KAT7: variants seen among roughly 807,000 people sequenced by gnomAD.
KAT7 encodes lysine acetyltransferase 7.
KAT7 carries 10 observed loss-of-function variants against 82.1 expected under a neutral mutation model. The ratio of observed to expected loss-of-function variants is 0.12; its 90% CI spans 0.08 to 0.21. The LOEUF is 0.21. Ranked by LOEUF, KAT7 falls within the 10% of genes least tolerant of loss-of-function variation. KAT7 has a pLI of 1.00. For synonymous variants in KAT7, 250 were observed against 262.5 expected (o/e 0.95, Z 0.46); for missense variants, 378 against 760.9 (o/e 0.50, Z 5.92).
chr17:49,794,401 C>G (rs2073928260), intron 2 of KAT7, among the ~76,000 whole-genome samples: 1 of 152,132 alleles, frequency 6.6e-6, no homozygotes, highest in Non-Finnish European at 1.5e-5. Flanking sequence ...TTCTCCTGCC[C>G]CAGCCTCCCA....
Position 49,815,928 on chromosome 17 carries a change from CT to C in KAT7, c.963+16del. ...CAGAGGATTTGGTGAGTATTAAAAC[CT>C]CCAAACTGAAGGCCGCTTGTGAAAG... On this transcript the variant is annotated intron_variant, in intron 8 of 14. Coordinates refer to ENST00000259021, the MANE Select transcript of KAT7 (RefSeq NM_007067.5). 1.3e-6 allele frequency: 2 copies of C among 1,525,420 alleles called. No individual in the cohort carries two copies. Among genetic ancestry groups the C allele is most frequent in the Non-Finnish European group, 1.8e-6 (2 of 1,100,144 alleles). The allele number at this position is 1,525,420 out of a possible 1,614,324, so 94.5% of individuals were successfully genotyped here. A position where few individuals can be genotyped will look rare whatever the true frequency, so the allele number is the denominator to read the frequency against.
intron 12 of KAT7, among the ~76,000 whole-genome samples, chr17:49,823,811 A>G (rs1357196924): frequency 6.6e-6 from 1 of 152,232 alleles, no homozygotes; most frequent in Admixed American, 6.5e-5. Context: ...AGCAAAAAGT[A>G]AGAGTCATGG....
intron 3 of KAT7, among the ~76,000 whole-genome samples, chr17:49,797,461 A>T (rs2073971615): frequency 6.6e-6 from 1 of 152,198 alleles, no homozygotes; most frequent in African/African-American, 2.4e-5. Context: ...TAGGAAAAAG[A>T]GACTGGGCCC....
At chr17:49,796,353 T>C (rs1226089241) in intron 2 of KAT7, among the ~76,000 whole-genome samples, 1 of 152,268 alleles carries the variant, frequency 6.6e-6, no homozygotes, top group Non-Finnish European at 1.5e-5. Flanking sequence ...CCACGGATCA[T>C]GTTAAGTGCT....
At chr17:49,822,298 A>G (rs1209033916) in intron 11 of KAT7, among the ~76,000 whole-genome samples, 1 of 150,394 alleles carries the variant, frequency 6.6e-6, no homozygotes, top group East Asian at 1.9e-4. Flanking sequence ...TATGACCTTG[A>G]CTCACTGCAC....
chr17:49,833,276 T>C lies in KAT7; in HGVS notation c.*5774T>C, dbSNP rs1471272164. The C allele has an allele frequency of 2.0e-5, 3 of 152,208 alleles. No individual in the cohort carries two copies. Among genetic ancestry groups the C allele is most frequent in the Non-Finnish European group, 2.9e-5 (2 of 68,026 alleles). The allele number at this position is 152,208 out of a possible 1,614,324, so 9.4% of individuals were successfully genotyped here. On this transcript the variant is annotated 3_prime_UTR_variant, in exon 15 of 15. Coordinates refer to ENST00000259021, the MANE Select transcript of KAT7 (RefSeq NM_007067.5). ...TATAAACATCTTTATCCTCGACAAG[T>C]CATGTTCATTCCAAGAAACCAGTCT... is the stretch of plus-strand genomic sequence containing the variant.
chr17:49,825,678 G>A (rs374364334), intron 12 of KAT7, among the ~76,000 whole-genome samples: 10 of 152,200 alleles, frequency 6.6e-5, no homozygotes, highest in African/African-American at 2.2e-4. Flanking sequence ...CTGTAGCATA[G>A]ATATGTGTTG....
At chr17:49,799,114 C>A (rs1372913860) in intron 4 of KAT7, among the ~76,000 whole-genome samples, 1 of 152,126 alleles carries the variant, frequency 6.6e-6, no homozygotes, top group African/African-American at 2.4e-5. Context: ...TTATTATATT[C>A]TTATGAGTTT....
Position 49,795,051 on chromosome 17 carries a change from G to A in KAT7, c.164-1699G>A, listed in dbSNP as rs537451769. 3.3e-5 allele frequency among the ~76,000 whole-genome samples: 5 copies of A among 151,302 alleles called. No individual in the cohort carries two copies. In the South Asian group the frequency reaches 1.0e-3, roughly 32 times the overall value. ...TATACGTTGGGGGGTGCAGCCGTGA[G>A]AGAGTGAGGCTGACACCGCGCCCTG... is the stretch of plus-strand genomic sequence containing the variant. On this transcript the variant is annotated intron_variant, in intron 2 of 14. Transcript: ENST00000259021.
intron 11 of KAT7, 67 bp downstream of exon 11, chr17:49,821,857 G>C: frequency 6.9e-7 from 1 of 1,443,290 alleles, no homozygotes. Flanking sequence ...GCAGTTGGGG[G>C]CTCAAATCAC....
At chr17:49,815,691 C>A in intron 7 of KAT7, 112 bp from the exon 8 acceptor site, 1 of 692,064 alleles carries the variant, frequency 1.4e-6, no homozygotes. Context: ...AGTATGTAGG[C>A]ACTAAATAAA....
Position 49,817,886 on chromosome 17 carries a change from C to T in KAT7, c.1030C>T (p.Arg344Cys), listed in dbSNP as rs200465294. ...CATGATTAAAACAATTGCTTTTGGC[C>T]GCTATGAGCTTGATACCTGGTATCA... ...SNMIKTIAFG[R>C]YELDTWYHSP... The change falls in exon 9 of 15, where the codon CGC becomes TGC. Residue 344 changes from arginine to cysteine, a missense_variant. Coordinates refer to ENST00000259021, the MANE Select transcript of KAT7 (RefSeq NM_007067.5). 15 of 1,613,308 alleles carry T rather than the reference C, an allele frequency of 9.3e-6. No individual in the cohort carries two copies. The highest frequency in any genetic ancestry group is 3.3e-5 in the South Asian group (3 of 91,046).
At chr17:49,791,118 C>T (rs897145252) in intron 1 of KAT7, among the ~76,000 whole-genome samples, 3 of 152,280 alleles carry the variant, frequency 2.0e-5, no homozygotes, top group Admixed American at 6.5e-5. Flanking sequence ...AGATGGCATA[C>T]GCACTAACAA....
At chr17:49,801,084 G>A (rs962393795) in intron 4 of KAT7, among the ~76,000 whole-genome samples, 2 of 152,166 alleles carry the variant, frequency 1.3e-5, no homozygotes, top group African/African-American at 4.8e-5. Flanking sequence ...TCAGAATGGG[G>A]CCTGATTGTG....
At chr17:49,825,971 AG>A in intron 12 of KAT7, 28 bp from the exon 13 acceptor site, 4 of 1,591,028 alleles carry the variant, frequency 2.5e-6, no homozygotes, top group Non-Finnish European at 3.4e-6. Flanking sequence ...GAGTGTTGCT[AG>A]AAAAAGTCTG....
chr17:49,811,441 G>A, intron 6 of KAT7, 35 bp from the exon 7 acceptor site: 1 of 1,070,868 alleles, frequency 9.3e-7, no homozygotes, highest in Non-Finnish European at 1.4e-6. Context: ...GCTTTATAAG[G>A]AGTTTTCTCT....
At chr17:49,820,670 G>A (rs1815797622) in intron 9 of KAT7, among the ~76,000 whole-genome samples, 1 of 151,898 alleles carries the variant, frequency 6.6e-6, no homozygotes, top group African/African-American at 2.4e-5. Flanking sequence ...GCACTTGAGG[G>A]TGAGGAAAAG....
chr17:49,806,645 C>T (rs1386520766), intron 5 of KAT7, among the ~76,000 whole-genome samples: 1 of 152,190 alleles, frequency 6.6e-6, no homozygotes, highest in East Asian at 1.9e-4. Context: ...ATACAATGAT[C>T]TGATACTATG....
Position 49,815,806 on chromosome 17 carries a change from CACAG to C in KAT7, c.863_866del (p.Gln288ProfsTer10), listed in dbSNP as rs2074226505. 1 of 1,595,186 alleles carries C rather than the reference CACAG, an allele frequency of 6.3e-7. No homozygotes were observed. The highest frequency in any genetic ancestry group is 1.3e-5 in the African/African-American group (1 of 74,548). ...CACGCTCTGGTTATTTTCCTAGGAA[CACAG>C]ACAGACCTATGGGAACACACGGGAA... On this transcript the variant is annotated frameshift_variant, in exon 8 of 15. Coordinates refer to ENST00000259021, the MANE Select transcript of KAT7 (RefSeq NM_007067.5). LOFTEE classifies it high-confidence loss of function.
Sources: gnomAD v4.1 joint callset for allele counts (sites outside exome capture counted in the v4.1 genomes callset) on GRCh38, gnomAD v4.1.1 for gene constraint, MANE v1.5 for transcripts, NCBI Gene and HGNC (gene_info 2026-07-23, HGNC 2026-07-21) for gene names.